The following PCDHGB3 variants were observed in gnomAD, a reference collection of about 807,000 sequenced individuals.
PCDHGB3 encodes protocadherin gamma-B3.
A neutral mutation model predicts 59.2 loss-of-function variants in PCDHGB3; 40 were observed. The ratio of observed to expected loss-of-function variants is 0.68; its 90% CI spans 0.52 to 0.88. PCDHGB3 has a LOEUF of 0.88. Ranked by LOEUF, PCDHGB3 falls within the 40% of genes least tolerant of loss-of-function variation. The pLI, the probability that PCDHGB3 is intolerant of heterozygous loss-of-function variation, is 0.00. For synonymous variants in PCDHGB3, 581 were observed against 503.6 expected (o/e 1.15, Z -2.06); for missense variants, 1,309 against 1,187.9 (o/e 1.10, Z -1.50).
chr5:141,426,858 T>G (rs898486771), intron 1 of PCDHGB3: 13 of 456,574 alleles, frequency 2.8e-5, no homozygotes, highest in African/African-American at 8.0e-5. Context: ...CGCTCCAGAA[T>G]TAGTGCTGGA....
chr5:141,400,229 T>C lies in PCDHGB3; in HGVS notation c.2415+27420T>C, dbSNP rs370433551. ...GCCTTGATCTCAGTGCTCTTCCTCCTGGCCGTGATTCTGGCCGTTGCCTTG... is the reference window on the plus strand; with the variant it reads ...GCCTTGATCTCAGTGCTCTTCCTCCCGGCCGTGATTCTGGCCGTTGCCTTG... On this transcript the variant is annotated intron_variant, in intron 1 of 3. Transcript: ENST00000576222. 3.1e-6 allele frequency: 5 copies of C among 1,613,872 alleles called. No individual in the cohort carries two copies. In the African/African-American group the frequency reaches 4.0e-5, roughly 13 times the overall value.
At chr5:141,478,559 A>T (rs938780510) in intron 1 of PCDHGB3, 1 of 1,599,454 alleles carries the variant, frequency 6.3e-7, no homozygotes, top group Non-Finnish European at 8.5e-7. Context: ...AAGGTTTAGC[A>T]AGTCATGCTT....
chr5:141,419,217 G>A (rs1407588828), intron 1 of PCDHGB3: 1 of 1,613,936 alleles, frequency 6.2e-7, no homozygotes, highest in Admixed American at 1.7e-5. Context: ...CCGGTTTTCG[G>A]ACAGTCAGCC....
rs1439786491 is a variant in PCDHGB3 at position 141,399,634 on chromosome 5, A to G, written c.2415+26825A>G. 9 of 1,613,742 alleles carry G rather than the reference A, an allele frequency of 5.6e-6. No individual in the cohort carries two copies. The highest frequency in any genetic ancestry group is 1.3e-5 in the African/African-American group (1 of 74,954). On this transcript the variant is annotated intron_variant, in intron 1 of 3. Transcript: ENST00000576222. ...TCTGGCACTGGCCTCTTACGTGTCC[A>G]TGAGCGCGCAAAGTGGGGTGGTGTT...
At chr5:141,438,396 ACT>A (rs2097958956) in intron 1 of PCDHGB3, among the ~76,000 whole-genome samples, 2 of 150,930 alleles carry the variant, frequency 1.3e-5, no homozygotes, top group African/African-American at 4.9e-5. Context: ...TTCATCATTA[ACT>A]CTCTGAAGTA....
At chr5:141,457,393 T>G (rs1299068071) in intron 1 of PCDHGB3, among the ~76,000 whole-genome samples, 1 of 152,228 alleles carries the variant, frequency 6.6e-6, no homozygotes, top group African/African-American at 2.4e-5. Flanking sequence ...AGCATATTGA[T>G]TCACATTTTC....
intron 1 of PCDHGB3, chr5:141,389,509 C>T: frequency 6.2e-7 from 1 of 1,613,118 alleles, no homozygotes; most frequent in Non-Finnish European, 8.5e-7. Flanking sequence ...GCGCTCAGCG[C>T]GAACGTGAGC....
At chr5:141,479,633 T>TAACAAC (rs749744124) in intron 1 of PCDHGB3, 1 of 152,114 alleles carries the variant, frequency 6.6e-6, no homozygotes, top group Admixed American at 6.5e-5. Flanking sequence ...TCTTTAACAA[T>TAACAAC]AACAACAACA....
At chr5:141,470,132 A>G (rs1411735203) in intron 1 of PCDHGB3, among the ~76,000 whole-genome samples, 1 of 151,586 alleles carries the variant, frequency 6.6e-6, no homozygotes, top group East Asian at 1.9e-4. Context: ...TCGTCTCAAA[A>G]AAAAAGATCA....
chr5:141,389,721 G>C (rs1477842058), intron 1 of PCDHGB3: 7 of 1,612,620 alleles, frequency 4.3e-6, no homozygotes, highest in Non-Finnish European at 5.1e-6. Context: ...TAGCGAGCCC[G>C]GGCTCTTCAG....
rs778912997 is a variant in PCDHGB3 at position 141,371,270 on chromosome 5, C to G, written c.876C>G (p.Phe292Leu). ...TTGGCAAGGAAGTGAGACAACTGTT[C>G]AAGCTGGACAGTAAAACGGGGGAAC... Reference protein sequence around the residue: ...INIGKEVRQLFKLDSKTGELT... With the variant: ...INIGKEVRQLLKLDSKTGELT... Residue 292 changes from phenylalanine to leucine, a missense_variant, in exon 1 of 4, where the codon TTC (phenylalanine) becomes TTG (leucine). By Grantham distance (22) the Phe-to-Leu change is conservative (BLOSUM62 0). Transcript: ENST00000576222. The G allele has an allele frequency of 1.5e-5, 24 of 1,613,894 alleles. No homozygotes were observed. The highest frequency in any genetic ancestry group is 5.5e-5 in the South Asian group (5 of 91,090).
At chr5:141,420,073 G>A (rs2096463936) in intron 1 of PCDHGB3, 23 of 1,613,964 alleles carry the variant, frequency 1.4e-5, no homozygotes, top group Non-Finnish European at 1.9e-5. Context: ...CCGGACCTGT[G>A]GGTCCCCCCA....
chr5:141,468,374 C>T (rs1340499708), intron 1 of PCDHGB3: 2 of 150,736 alleles, frequency 1.3e-5, no homozygotes, highest in Non-Finnish European at 3.0e-5. Context: ...ATAACTCAGC[C>T]ATACAAGGCT....
At position 141,403,695 on chromosome 5, in the gene PCDHGB3, G is replaced by T. The variant is rs376074779; in HGVS notation, c.2415+30886G>T. On this transcript the variant is annotated intron_variant, in intron 1 of 3. Transcript: ENST00000576222. ...CCGGTTTTTGCTCAACGGATTTACC[G>T]AGTTAAAGTCCTTGAGAACGTGCCC... The T allele has an allele frequency of 2.9e-5, 46 of 1,613,780 alleles. No individual in the cohort carries two copies. The highest frequency in any genetic ancestry group is 3.7e-5 in the Non-Finnish European group (44 of 1,179,906).
At chr5:141,404,819 A>G in intron 1 of PCDHGB3, 1 of 1,608,430 alleles carries the variant, frequency 6.2e-7, no homozygotes, top group South Asian at 1.1e-5. Flanking sequence ...GGGGCTGCAC[A>G]CAGGTGAAGT....
At position 141,408,836 on chromosome 5, in the gene PCDHGB3, T is replaced by C. The variant is rs772595834; in HGVS notation, c.2415+36027T>C. The C allele has an allele frequency of 5.0e-6, 8 of 1,613,680 alleles. No individual in the cohort carries two copies. In the South Asian group the frequency reaches 6.6e-5, roughly 13 times the overall value. ...AGAACAGAGATCTCATAGCTTGATA[T>C]TGACTGCCTTGGACGGAGGGGACCC... On this transcript the variant is annotated intron_variant, in intron 1 of 3. Transcript: ENST00000576222.
rs572892456 is a variant in PCDHGB3, at chr5:141,427,959, C to T, written c.2415+55150C>T. On this transcript the variant is annotated intron_variant, in intron 1 of 3. Coordinates refer to ENST00000576222, the MANE Select transcript of PCDHGB3 (RefSeq NM_018924.5). Reference sequence around the variant, plus strand: ...GGGCGACCTCAATGACAATGTGCCGCGGGTGCTGTACCCCGCGCTGGGGCC... The same window carrying T: ...GGGCGACCTCAATGACAATGTGCCGTGGGTGCTGTACCCCGCGCTGGGGCC... 3.8e-6 allele frequency: 6 copies of T among 1,588,886 alleles called. No individual in the cohort carries two copies. The East Asian group carries it at 1.1e-4, about 30-fold the overall frequency.
chr5:141,375,040 T>C (rs1771075321), intron 1 of PCDHGB3: 4 of 1,614,056 alleles, frequency 2.5e-6, no homozygotes, highest in Non-Finnish European at 3.4e-6. Flanking sequence ...AGCTGGGTGT[T>C]GAAGCCCGGG....
intron 1 of PCDHGB3, among the ~76,000 whole-genome samples, chr5:141,433,559 G>A (rs2154555800): frequency 6.6e-6 from 1 of 152,212 alleles, no homozygotes; most frequent in Non-Finnish European, 1.5e-5. Context: ...TTTCTGGCTG[G>A]GCGCGGTGGC....
Sources: gnomAD v4.1 joint callset for allele counts (sites outside exome capture counted in the v4.1 genomes callset) on GRCh38, gnomAD v4.1.1 for gene constraint, MANE v1.5 for transcripts, NCBI Gene and HGNC (gene_info 2026-07-23, HGNC 2026-07-21) for gene names.